ARHGEF1: variants seen among roughly 807,000 people sequenced by gnomAD.
ARHGEF1 encodes Rho guanine nucleotide exchange factor 1.
ARHGEF1 carries 40 observed loss-of-function variants against 119.7 expected under a neutral mutation model. That is an observed-to-expected ratio of 0.33 (90% CI 0.26 to 0.44). The LOEUF is 0.44. Among genes scored for constraint, ARHGEF1 ranks in the 20% least tolerant of loss-of-function variants. ARHGEF1 has a pLI of 1.00. For missense variants in ARHGEF1, 976 were observed against 1,268.3 expected, an observed-to-expected ratio of 0.77 and a Z score of 3.50; for synonymous variants, 494 against 521.0, an observed-to-expected ratio of 0.95 and a Z score of 0.71.
intron 13 of ARHGEF1, chr19:41,898,135 C>T: frequency 7.1e-7 from 1 of 1,399,820 alleles, no homozygotes; most frequent in Non-Finnish European, 9.2e-7. Flanking sequence ...CTCTCCCTTC[C>T]CCCATCCACT....
rs372151277 is a variant in ARHGEF1 at position 41,902,285 on chromosome 19, G to A, written c.1426G>A (p.Asp476Asn). The A allele has an allele frequency of 2.5e-6, 4 of 1,614,022 alleles. No individual in the cohort carries two copies. Among genetic ancestry groups the A allele is most frequent in the East Asian group, 2.2e-5 (1 of 44,894 alleles). ...TCCTGCCCCCACAGCCCTGTTCCTC[G>A]ATCGCCTGATGAAGCGGAGGCAGGA... Reference protein sequence around the residue: ...ELIEVHSLFLDRLMKRRQESG... With the variant: ...ELIEVHSLFLNRLMKRRQESG... Residue 476 changes from aspartate to asparagine, a missense_variant, in exon 16 of 29, where the codon GAT (aspartate) becomes AAT (asparagine). Transcript: ENST00000354532. The surrounding 1 kb of genome is among the most constrained non-coding windows in gnomAD (Gnocchi z 6.5).
rs1275169304 is a variant in ARHGEF1 at position 41,917,095 on chromosome 19, G to A, written c.1866-5997G>A. On this transcript the variant is annotated intron_variant, in intron 18 of 20. Coordinates refer to the ARHGEF1 transcript ENST00000599589. The surrounding 1 kb of genome is among the most constrained non-coding windows in gnomAD (Gnocchi z 4.8). The stretch of plus-strand genomic sequence containing the variant: ...CTGCCTCTCGAGACACAGGTCTCTC[G>A]GTCTCTCTCAGCCCCTTCGGGTGTC... Among the ~76,000 whole-genome samples, 1 of 152,070 alleles carries A rather than the reference G, an allele frequency of 6.6e-6. No homozygotes were observed. The highest frequency in any genetic ancestry group is 1.5e-5 in the Non-Finnish European group (1 of 68,016).
In ARHGEF1 at chr19:41,892,779, G is replaced by C; in HGVS notation, c.544G>C (p.Asp182His). ...LAQLEAWVGRDRASYEARERH... is the reference protein window; with the variant it reads ...LAQLEAWVGRHRASYEARERH... ...CCAGCTGGAGGCTTGGGTTGGGCGG[G>C]ACCGAGCCAGCTACGAGGCCCGGGA... The change falls in exon 7 of 29, where the codon GAC becomes CAC. Residue 182 changes from aspartate to histidine, a missense_variant. By Grantham distance (81) the Asp-to-His change is moderately conservative. This residue lies in a region of ARHGEF1 where 519 missense variants were observed against 580.9 expected (regional missense o/e 0.89). Transcript: ENST00000354532. This position sits in a 1 kb window ranked among gnomAD's most constrained non-coding sequence, Gnocchi z 6.3. The C allele has an allele frequency of 6.2e-7, 1 of 1,602,608 alleles. No homozygotes were observed. The highest frequency in any genetic ancestry group is 8.5e-7 in the Non-Finnish European group (1 of 1,176,224).
downstream of ARHGEF1, chr19:41,908,157 G>T: frequency 8.5e-7 from 1 of 1,169,688 alleles, no homozygotes; most frequent in Non-Finnish European, 1.1e-6. The surrounding 1 kb of genome is among the most constrained non-coding windows in gnomAD (Gnocchi z 6.7). Flanking sequence ...TGGGCCTTGG[G>T]CCAGGCATCA....
intron 1 of ARHGEF1, among the ~76,000 whole-genome samples, chr19:41,885,409 TG>T (rs1389028146): frequency 6.6e-6 from 1 of 152,236 alleles, no homozygotes; most frequent in Non-Finnish European, 1.5e-5. Flanking sequence ...AAGGGTAGGG[TG>T]GGGGCTCCCC....
At position 41,916,408 on chromosome 19, in the gene ARHGEF1, CTG is replaced by C. The variant is rs1289128645; in HGVS notation, c.1866-6682_1866-6681del. On this transcript the variant is annotated intron_variant, in intron 18 of 20. Coordinates refer to the ARHGEF1 transcript ENST00000599589. The surrounding 1 kb of genome is among the most constrained non-coding windows in gnomAD (Gnocchi z 5.4). ...GTGTCAGTAAAGTCACACACCAACA[CTG>C]TCACAGTCACACACACACACATCAG... 2.0e-5 allele frequency among the ~76,000 whole-genome samples: 3 copies of C among 152,158 alleles called. No homozygotes were observed. Among genetic ancestry groups the C allele is most frequent in the Admixed American group, 6.5e-5 (1 of 15,274 alleles).
At chr19:41,908,248 T>G, downstream of ARHGEF1, 2 of 1,231,658 alleles carry the variant, frequency 1.6e-6, no homozygotes, top group Non-Finnish European at 2.0e-6. The surrounding 1 kb of genome is among the most constrained non-coding windows in gnomAD (Gnocchi z 6.7). Flanking sequence ...GTCCCCCCTT[T>G]GCCCGCCTTT....
chr19:41,919,791 T>TAAG (rs35316865), upstream of ARHGEF1, among the ~76,000 whole-genome samples: 40,290 of 151,588 alleles, frequency 0.27, 11,537 homozygotes, highest in African/African-American at 0.72. Context: ...CCCTCAGAGA[T>TAAG]AACTGCCCCA....
rs782345522 is a variant in ARHGEF1, at chr19:41,892,307, C to A, written c.325-24C>A. 6 of 1,613,438 alleles carry A rather than the reference C, an allele frequency of 3.7e-6. No individual in the cohort carries two copies. In the African/African-American group the frequency reaches 8.0e-5, roughly 22 times the overall value. ...TCTCAGCACACCAAGTCCTCCTCTT[C>A]ACCCCATTCTCTCTCTTGAGCAGGT... On this transcript the variant is annotated intron_variant, in intron 5 of 28. Coordinates refer to ENST00000354532, the MANE Select transcript of ARHGEF1 (RefSeq NM_004706.4). This position sits in a 1 kb window ranked among gnomAD's most constrained non-coding sequence, Gnocchi z 6.3.
In ARHGEF1 at chr19:41,902,363, T is replaced by G; in HGVS notation, c.1497+7T>G. On this transcript the variant is annotated splice_region_variant and intron_variant, in intron 16 of 28. Transcript: ENST00000354532. The surrounding 1 kb of genome is among the most constrained non-coding windows in gnomAD (Gnocchi z 6.5). ...AGACGTGCTGCTGGCCCGGGTGAGATGCCCAGCCCTCCCGCTCCTCCCAGC... is the reference window on the plus strand; with the variant it reads ...AGACGTGCTGCTGGCCCGGGTGAGAGGCCCAGCCCTCCCGCTCCTCCCAGC... 1.2e-6 allele frequency: 2 copies of G among 1,614,002 alleles called. No homozygotes were observed. The highest frequency in any genetic ancestry group is 1.1e-5 in the South Asian group (1 of 91,086).
rs1555852033 is a variant in ARHGEF1 at position 41,917,411 on chromosome 19, G to GGCC, written c.1866-5677_1866-5675dup. Among the ~76,000 whole-genome samples the GGCC allele has an allele frequency of 1.3e-5, 2 of 151,776 alleles. No homozygotes were observed. Among genetic ancestry groups the GGCC allele is most frequent in the Admixed American group, 1.3e-4 (2 of 15,246 alleles). On this transcript the variant is annotated intron_variant, in intron 18 of 20. Transcript: ENST00000599589. The surrounding 1 kb of genome is among the most constrained non-coding windows in gnomAD (Gnocchi z 4.8). ...TGTTTTGATTTCTCTAAGCTGCGCC[G>GGCC]GCCGCCTCGGGAGCCGCCTCGGGCC...
exon 3 of ARHGEF1, chr19:41,929,964 G>T (rs1367395757): frequency 6.6e-6 from 1 of 152,204 alleles, no homozygotes; most frequent in African/African-American, 2.4e-5. Context: ...CGAGCCTCAA[G>T]TTTCCTCATC....
At chr19:41,894,135 AGTGTGTGTGTGTGT>A (rs35797687) in intron 8 of ARHGEF1, 58 bp from the exon 9 acceptor site, 9 of 484,526 alleles carry the variant, frequency 1.9e-5, no homozygotes, top group East Asian at 7.1e-5. Context: ...TGTGTGTGTG[AGTGTGTGTGTGTGT>A]GTGTGTGTGT....
downstream of ARHGEF1, chr19:41,908,311 C>G: frequency 8.1e-7 from 1 of 1,231,504 alleles, no homozygotes; most frequent in Non-Finnish European, 1.0e-6. The surrounding 1 kb of genome is among the most constrained non-coding windows in gnomAD (Gnocchi z 6.7). Flanking sequence ...GAGCTGCAGC[C>G]GCTGACGTCG....
intron 18 of ARHGEF1, chr19:41,912,904 C>T (rs1422810029): frequency 8.1e-7 from 1 of 1,231,550 alleles, no homozygotes. Flanking sequence ...AGGTCGGAGA[C>T]GCAGCTACAG....
Position 41,896,462 on chromosome 19 carries a change from C to A in ARHGEF1, c.1101C>A (p.Asp367Glu), listed in dbSNP as rs199929341. ...LESLAPPESTDEGAETESPEP... is the reference protein window; with the variant it reads ...LESLAPPESTEEGAETESPEP... Reference sequence around the variant, plus strand: ...CCTTGGCGCCCCCAGAGAGTACCGACGAGGGGGCCGAAACCGAGAGGTGCC... The same window carrying A: ...CCTTGGCGCCCCCAGAGAGTACCGAAGAGGGGGCCGAAACCGAGAGGTGCC... Residue 367 changes from aspartate (D) to glutamate (E), a missense_variant, in exon 13 of 29, where the codon GAC becomes GAA. By Grantham distance (45) the Asp-to-Glu change is conservative. Coordinates refer to ENST00000354532, the MANE Select transcript of ARHGEF1 (RefSeq NM_004706.4). The A allele has an allele frequency of 1.3e-6, 2 of 1,486,316 alleles. No individual in the cohort carries two copies. Among genetic ancestry groups the A allele is most frequent in the Non-Finnish European group, 1.8e-6 (2 of 1,117,572 alleles). 92.1% of individuals were successfully genotyped at this position (1,486,316 alleles called of 1,614,324 possible). A position where few individuals can be genotyped will look rare whatever the true frequency, so the allele number is the denominator to read the frequency against.
At chr19:41,911,036 G>A (rs190213330), downstream of ARHGEF1, among the ~76,000 whole-genome samples, 25 of 152,202 alleles carry the variant, frequency 1.6e-4, no homozygotes, top group African/African-American at 5.1e-4. Context: ...CGATGGAGAC[G>A]GTGAACACAG....
chr19:41,899,003 T>G (rs2074556676), intron 14 of ARHGEF1, among the ~76,000 whole-genome samples: 1 of 152,148 alleles, frequency 6.6e-6, no homozygotes, highest in Non-Finnish European at 1.5e-5. Flanking sequence ...TTTTTTAAAT[T>G]TTTATTTGAG....
chr19:41,885,048 T>G (rs1388304613), intron 1 of ARHGEF1, among the ~76,000 whole-genome samples: 1 of 152,154 alleles, frequency 6.6e-6, no homozygotes, highest in Non-Finnish European at 1.5e-5. Flanking sequence ...AACACCCATG[T>G]GGCCCCCCAA....
Sources: allele counts gnomAD v4.1 joint callset (sites outside exome capture counted in the v4.1 genomes callset), GRCh38; gene constraint gnomAD v4.1.1; regional missense constraint gnomAD v4.1.1; non-coding constraint Gnocchi (gnomAD v3.1); transcripts MANE v1.5; gene names NCBI Gene and HGNC (gene_info 2026-07-23, HGNC 2026-07-21).